SBNO1: variants seen among roughly 807,000 people sequenced by gnomAD.
The protein encoded by SBNO1 is strawberry notch homolog 1, also known as protein strawberry notch homolog 1.
Under a neutral mutation model 173.6 loss-of-function variants are expected in SBNO1, and 23 were observed. That is an observed-to-expected ratio of 0.13 (90% CI 0.10 to 0.19). The LOEUF (loss-of-function observed/expected upper bound fraction) is 0.19. Ranked by LOEUF, SBNO1 falls within the 10% of genes least tolerant of loss-of-function variation. The pLI is 1.00. For missense variants in SBNO1, 1,238 were observed against 1,671.2 expected (o/e 0.74, Z 4.52); for synonymous variants, 632 against 571.5 (o/e 1.11, Z -1.51).
intron 24 of SBNO1, among the ~76,000 whole-genome samples, chr12:123,311,915 A>G (rs1868618419): frequency 1.4e-5 from 2 of 138,610 alleles, no homozygotes. Context: ...TTTTTTTGTA[A>G]TTTTTTTAGA....
chr12:123,347,913 T>C (rs374417560), intron 3 of SBNO1, 116 bp downstream of exon 3: 84 of 531,150 alleles, frequency 1.6e-4, no homozygotes, highest in African/African-American at 6.8e-4. Flanking sequence ...GCAATCCTCC[T>C]ACCTCAGCCT....
chr12:123,313,795 AT>A (rs1288439391), intron 23 of SBNO1, 76 bp from the exon 24 acceptor site: 1 of 839,860 alleles, frequency 1.2e-6, no homozygotes, highest in Admixed American at 2.1e-5. Flanking sequence ...CCTAAATACT[AT>A]AAAAACTACT....
At chr12:123,325,112 A>C (rs1402166048) in intron 15 of SBNO1, among the ~76,000 whole-genome samples, 1 of 152,188 alleles carries the variant, frequency 6.6e-6, no homozygotes, top group Non-Finnish European at 1.5e-5. Context: ...TGCTCAGCCA[A>C]CTTATAAAGT....
chr12:123,355,534 G>A (rs1281698470), intron 1 of SBNO1, among the ~76,000 whole-genome samples: 1 of 151,862 alleles, frequency 6.6e-6, no homozygotes, highest in Non-Finnish European at 1.5e-5. Flanking sequence ...AACCCGGGAG[G>A]CGGAGGTTGC....
intron 28 of SBNO1, among the ~76,000 whole-genome samples, chr12:123,305,707 A>C (rs915382202): frequency 8.5e-5 from 13 of 152,214 alleles, no homozygotes; most frequent in African/African-American, 3.1e-4. Flanking sequence ...TCCTGACCTC[A>C]GGTGATCCAC....
chr12:123,313,541 A>G lies in SBNO1; in HGVS notation c.3220+79T>C, dbSNP rs978488164. ...TATGTCCAAAGAAAAAAACTAATAT[A>G]ACAGCAAACATTACAACAGGTTTGA... is the stretch of plus-strand genomic sequence containing the variant. On this transcript the variant is annotated intron_variant, in intron 24 of 31. Coordinates refer to ENST00000602398, the MANE Select transcript of SBNO1 (RefSeq NM_001167856.3). The G allele has an allele frequency of 6.7e-6, 5 of 741,126 alleles. No individual in the cohort carries two copies. In the African/African-American group the frequency reaches 8.9e-5, roughly 13 times the overall value. 45.9% of individuals were successfully genotyped at this position (741,126 alleles called of 1,614,324 possible).
chr12:123,326,095 C>G, intron 14 of SBNO1, 57 bp downstream of exon 14: 2 of 1,218,182 alleles, frequency 1.6e-6, no homozygotes, highest in South Asian at 2.0e-5. Flanking sequence ...CCTCAGCACC[C>G]ACAAAGACTA....
intron 30 of SBNO1, among the ~76,000 whole-genome samples, chr12:123,301,642 A>G (rs776554013): frequency 5.9e-5 from 9 of 152,184 alleles, no homozygotes; most frequent in Admixed American, 1.3e-4. Flanking sequence ...CAGCAGGAAG[A>G]GCTCCAAGAC....
At chr12:123,330,009 C>T (rs1466218892) in intron 9 of SBNO1, among the ~76,000 whole-genome samples, 2 of 152,126 alleles carry the variant, frequency 1.3e-5, no homozygotes, top group Admixed American at 6.6e-5. Context: ...ACCAGTCTGC[C>T]CAAGCCATAA....
Position 123,336,485 on chromosome 12 carries a change from G to T in SBNO1, c.658C>A (p.Pro220Thr). Residue 220 changes from proline to threonine, a missense_variant, in exon 6 of 32, where the codon CCT (proline) becomes ACT (threonine). Pro to Thr is a conservative substitution (Grantham distance 38). Coordinates refer to ENST00000602398, the MANE Select transcript of SBNO1 (RefSeq NM_001167856.3). ...MRSFSPTMKV[P>T]VVKEDDEPEE... Reference sequence around the variant, plus strand: ...GGTTCATCATCTTCTTTTACAACAGGAACCTTCTGCAACACAGAAAGAGCA... The same window carrying T: ...GGTTCATCATCTTCTTTTACAACAGTAACCTTCTGCAACACAGAAAGAGCA... 2 of 1,607,826 alleles carry T rather than the reference G, an allele frequency of 1.2e-6. 1 individual carries two copies. Among genetic ancestry groups the T allele is most frequent in the South Asian group, 2.2e-5 (2 of 90,328 alleles).
At chr12:123,300,391 C>T (rs2048747231) in intron 30 of SBNO1, among the ~76,000 whole-genome samples, 1 of 152,188 alleles carries the variant, frequency 6.6e-6, no homozygotes, top group Non-Finnish European at 1.5e-5. Context: ...GGCGCAGTGG[C>T]TCAAGCCTGT....
intron 16 of SBNO1, among the ~76,000 whole-genome samples, chr12:123,323,415 C>G (rs559654623): frequency 6.6e-6 from 1 of 152,052 alleles, no homozygotes; most frequent in Non-Finnish European, 1.5e-5. Flanking sequence ...AGTGCAGCAG[C>G]GCTATCTCGG....
In SBNO1 at chr12:123,295,935, C is replaced by G. The variant is rs778572879; in HGVS notation, c.4155G>C (p.Gln1385His). The change falls in exon 32 of 32, where the codon CAG becomes CAC. Residue 1385 changes from glutamine (Q) to histidine (H), a missense_variant. Gln to His is a conservative substitution (Grantham distance 24). This residue lies in a region of SBNO1 where 351 missense variants were observed against 420.3 expected (regional missense o/e 0.84). Coordinates refer to ENST00000602398, the MANE Select transcript of SBNO1 (RefSeq NM_001167856.3). ...QKQLWQQHHPQSITNLSNA is the reference protein window; with the variant it reads ...QKQLWQQHHPHSITNLSNA Reference sequence around the variant, plus strand: ...ATGCGTTGCTCAAGTTGGTGATGCTCTGAGGGTGATGCTGTTGCCATAGCT... The same window carrying G: ...ATGCGTTGCTCAAGTTGGTGATGCTGTGAGGGTGATGCTGTTGCCATAGCT... 1.2e-6 allele frequency: 2 copies of G among 1,612,972 alleles called. No homozygotes were observed. Among genetic ancestry groups the G allele is most frequent in the Admixed American group, 3.3e-5 (2 of 60,018 alleles).
intron 14 of SBNO1, 75 bp downstream of exon 14, chr12:123,326,077 G>T: frequency 9.8e-7 from 1 of 1,018,508 alleles, no homozygotes; most frequent in Non-Finnish European, 1.4e-6. Context: ...GATTTTACAA[G>T]CAGAAAACCT....
chr12:123,340,784 C>A (rs180747930), intron 5 of SBNO1, among the ~76,000 whole-genome samples: 1 of 152,088 alleles, frequency 6.6e-6, no homozygotes, highest in South Asian at 2.1e-4. Context: ...TAGTGCCACA[C>A]TCCATCAATC....
Position 123,291,404 on chromosome 12 carries a change from A to C in SBNO1, c.*4504T>G, listed in dbSNP as rs1330880719. The C allele has an allele frequency of 6.6e-6, 1 of 152,206 alleles. No homozygotes were observed. The highest frequency in any genetic ancestry group is 1.9e-4 in the East Asian group (1 of 5,194). The allele number at this position is 152,206 out of a possible 1,614,324, so 9.4% of individuals were successfully genotyped here. A position where few individuals can be genotyped will look rare whatever the true frequency, so the allele number is the denominator to read the frequency against. On this transcript the variant is annotated 3_prime_UTR_variant, in exon 32 of 32. Transcript: ENST00000602398. ...TGCACTGAAGAAGTTAGAGGAGCTT[A>C]AAGAAGTCTCAGGAAGCATTTTTTA...
At chr12:123,336,362 G>GCCCAGCC in intron 6 of SBNO1, 33 bp downstream of exon 6, 1 of 1,264,620 alleles carries the variant, frequency 7.9e-7, no homozygotes, top group Non-Finnish European at 1.1e-6. Flanking sequence ...GGAAAACTTT[G>GCCCAGCC]ATGTAAATAT....
intron 3 of SBNO1, among the ~76,000 whole-genome samples, chr12:123,346,142 ACAGTGGTGTGCACCTGCATTTC>A (rs1481186358): frequency 6.6e-6 from 1 of 152,208 alleles, no homozygotes; most frequent in Admixed American, 6.5e-5. Flanking sequence ...TAAGCCAGGC[ACAGTGGTGTGCACCTGCATTTC>A]CAGCTAATTG....
chr12:123,364,807 T>A lies in SBNO1; in HGVS notation c.-107A>T, dbSNP rs1262473597. 1.1e-6 allele frequency: 1 copy of A among 915,684 alleles called. No individual in the cohort carries two copies. Among genetic ancestry groups the A allele is most frequent in the South Asian group, 5.2e-5 (1 of 19,172 alleles). The allele number at this position is 915,684 out of a possible 1,614,324, so 56.7% of individuals were successfully genotyped here. ...GGCGGTGGCGGCGGCAGCAGCGGCG[T>A]CCTGCTCTGCCTACCTCCCCGCCGC... is the stretch of plus-strand genomic sequence containing the variant. On this transcript the variant is annotated 5_prime_UTR_variant, in exon 1 of 32. Transcript: ENST00000602398.
Sources: allele counts gnomAD v4.1 joint callset (sites outside exome capture counted in the v4.1 genomes callset), GRCh38; gene constraint gnomAD v4.1.1; regional missense constraint gnomAD v4.1.1; transcripts MANE v1.5; gene names NCBI Gene and HGNC (gene_info 2026-07-23, HGNC 2026-07-21).